The following RANBP2 variants were observed in gnomAD, a reference collection of about 807,000 sequenced individuals.
RANBP2 encodes the protein RAN binding protein 2.
Under a neutral mutation model 303.6 loss-of-function variants are expected in RANBP2, and 57 were observed. The observed-to-expected ratio is 0.19, with a 90% CI of 0.15 to 0.23. RANBP2 has a LOEUF of 0.23. RANBP2 is among the 10% of genes least tolerant of loss of function. The pLI, the probability that RANBP2 is intolerant of heterozygous loss-of-function variation, is 1.00. For synonymous variants in RANBP2, 1,167 were observed against 1,301.5 expected, an observed-to-expected ratio of 0.90 and a Z score of 2.23; for missense variants, 3,138 against 3,780.8, an observed-to-expected ratio of 0.83 and a Z score of 4.46.
At chr2:109,589,177 CTG>C in the RANBP2 span, among the ~76,000 whole-genome samples, 1 of 151,976 alleles carries the variant, frequency 6.6e-6, no homozygotes, top group East Asian at 1.9e-4. Context: ...GAGTCTCACT[CTG>C]TCACCCAGGC....
At chr2:108,920,394 C>T in the RANBP2 span, among the ~76,000 whole-genome samples, 93 of 152,310 alleles carry the variant, frequency 6.1e-4, no homozygotes, top group African/African-American at 2.2e-3. Context: ...ACCTCCCTGC[C>T]CCCACTGTCA....
At chr2:109,569,418 A>G in the RANBP2 span, among the ~76,000 whole-genome samples, 1 of 150,232 alleles carries the variant, frequency 6.7e-6, no homozygotes, top group Non-Finnish European at 1.5e-5. Flanking sequence ...AGCCTGGGCA[A>G]CAAGAGCAAA....
chr2:109,039,934 C>G, the RANBP2 span, among the ~76,000 whole-genome samples: 1 of 152,032 alleles, frequency 6.6e-6, no homozygotes, highest in Non-Finnish European at 1.5e-5. Flanking sequence ...TTTCACTCTC[C>G]CAATGGTATC....
the RANBP2 span, among the ~76,000 whole-genome samples, chr2:108,945,349 T>G: frequency 1.3e-5 from 2 of 152,200 alleles, no homozygotes; most frequent in Non-Finnish European, 2.9e-5. Flanking sequence ...CATTTATTTA[T>G]TTATCCCCAT....
chr2:109,524,755 T>C, the RANBP2 span, among the ~76,000 whole-genome samples: 1 of 151,438 alleles, frequency 6.6e-6, no homozygotes, highest in Non-Finnish European at 1.5e-5. Flanking sequence ...AAAAAATATA[T>C]AAATAAATAA....
chr2:109,703,471 C>T, the RANBP2 span, among the ~76,000 whole-genome samples: 21 of 152,336 alleles, frequency 1.4e-4, no homozygotes, highest in East Asian at 4.0e-3. Context: ...CTCTGTCGCC[C>T]AGGCTGGAGT....
At chr2:109,696,694 T>C in the RANBP2 span, among the ~76,000 whole-genome samples, 2,493 of 152,356 alleles carry the variant, frequency 0.016, 32 homozygotes, top group Non-Finnish European at 0.025. Context: ...GGAATTGTAT[T>C]AAATCTATAT....
the RANBP2 span, among the ~76,000 whole-genome samples, chr2:109,209,677 C>G: frequency 2.6e-5 from 4 of 152,052 alleles, no homozygotes; most frequent in Non-Finnish European, 5.9e-5. Context: ...AAGCAGGACC[C>G]ATTTCTAAAG....
At chr2:109,146,002 G>A in the RANBP2 span, among the ~76,000 whole-genome samples, 15 of 149,074 alleles carry the variant, frequency 1.0e-4, no homozygotes, top group African/African-American at 3.6e-4. Context: ...GTGACCTCCC[G>A]GCCGCAGTGT....
the RANBP2 span, among the ~76,000 whole-genome samples, chr2:109,249,528 TTTCTTTCCTTCCTTCC>T: frequency 9.6e-6 from 1 of 103,812 alleles, no homozygotes; most frequent in Admixed American, 1.0e-4. Context: ...TTTTTCTTTC[TTTCTTTCCTTCCTTCC>T]TTCCTTCCTT....
At chr2:108,856,154 A>T in the RANBP2 span, among the ~76,000 whole-genome samples, 2 of 151,950 alleles carry the variant, frequency 1.3e-5, no homozygotes, top group Non-Finnish European at 2.9e-5. Flanking sequence ...CAGGTTTCTC[A>T]GTCATCTGTG....
chr2:109,250,611 A>G, the RANBP2 span, among the ~76,000 whole-genome samples: 1 of 152,084 alleles, frequency 6.6e-6, no homozygotes, highest in African/African-American at 2.4e-5. Context: ...TAATAATAAT[A>G]ATAATAGTGG....
the RANBP2 span, among the ~76,000 whole-genome samples, chr2:109,443,802 G>T: frequency 6.6e-6 from 1 of 152,204 alleles, no homozygotes; most frequent in Non-Finnish European, 1.5e-5. Context: ...ATTATGGTCA[G>T]AGACTTTCAT....
At chr2:109,048,526 C>T in the RANBP2 span, among the ~76,000 whole-genome samples, 9 of 152,330 alleles carry the variant, frequency 5.9e-5, no homozygotes, top group East Asian at 1.9e-4. Flanking sequence ...ATCTCCTGTA[C>T]TGAGTCTCCA....
the RANBP2 span, chr2:109,490,607 A>G: frequency 7.0e-6 from 10 of 1,430,818 alleles, no homozygotes; most frequent in African/African-American, 1.4e-5. Context: ...CTCCCCAGAA[A>G]GAGAAGAAGA....
At chr2:109,578,940 A>G in the RANBP2 span, among the ~76,000 whole-genome samples, 2 of 152,206 alleles carry the variant, frequency 1.3e-5, no homozygotes, top group Non-Finnish European at 2.9e-5. Flanking sequence ...AGCAGAAAGT[A>G]ATGAAACAGG....
the RANBP2 span, among the ~76,000 whole-genome samples, chr2:108,792,282 C>T: frequency 0.024 from 3,698 of 152,270 alleles, 145 homozygotes; most frequent in African/African-American, 0.084. Flanking sequence ...TTATGGTCTA[C>T]ACACAACAAC....
At chr2:108,799,241 A>G in the RANBP2 span, among the ~76,000 whole-genome samples, 1 of 152,190 alleles carries the variant, frequency 6.6e-6, no homozygotes, top group African/African-American at 2.4e-5. Flanking sequence ...TGTAGACAAA[A>G]TATTTTTGGC....
At chr2:109,163,421 C>T in the RANBP2 span, among the ~76,000 whole-genome samples, 1 of 71,050 alleles carries the variant, frequency 1.4e-5, no homozygotes, top group African/African-American at 6.8e-5. Flanking sequence ...TTTTTTGAGA[C>T]GGAGTCTCGC....
Sources: gnomAD v4.1 joint callset for allele counts (sites outside exome capture counted in the v4.1 genomes callset) on GRCh38, gnomAD v4.1.1 for gene constraint, MANE v1.5 for transcripts, NCBI Gene and HGNC (gene_info 2026-07-23, HGNC 2026-07-21) for gene names.